The following OCLN variants were observed in gnomAD, a reference collection of about 807,000 sequenced individuals.
The protein encoded by OCLN is occludin.
Under a neutral mutation model 47.9 loss-of-function variants are expected in OCLN, and 21 were observed. That is an observed-to-expected ratio of 0.44 (90% CI 0.31 to 0.63). The LOEUF (loss-of-function observed/expected upper bound fraction) is 0.63. OCLN is among the 30% of genes least tolerant of loss of function. The pLI is 0.08. For missense variants in OCLN, 360 were observed against 571.0 expected (o/e 0.63, Z 3.77); for synonymous variants, 117 against 198.4 (o/e 0.59, Z 3.45).
At chr5:69,505,150 T>C (rs1768564003) in intron 2 of OCLN, among the ~76,000 whole-genome samples, 2 of 152,076 alleles carry the variant, frequency 1.3e-5, no homozygotes, top group African/African-American at 4.8e-5. Flanking sequence ...TTTGGGAGGC[T>C]GAGACAGGAG....
intron 4 of OCLN, among the ~76,000 whole-genome samples, chr5:69,530,948 G>A (rs1467311795): frequency 6.6e-6 from 1 of 152,234 alleles, no homozygotes; most frequent in Non-Finnish European, 1.5e-5. Context: ...GCCAGACACT[G>A]TGTGGTCCTT....
At chr5:69,550,377 A>G (rs1410340645) in intron 7 of OCLN, among the ~76,000 whole-genome samples, 1 of 148,706 alleles carries the variant, frequency 6.7e-6, no homozygotes, top group Admixed American at 6.8e-5. Context: ...TTTTTAGTAG[A>G]GACGGGGTTT....
chr5:69,515,054 G>T (rs1013538034), intron 4 of OCLN, among the ~76,000 whole-genome samples: 1 of 152,172 alleles, frequency 6.6e-6, no homozygotes, highest in Non-Finnish European at 1.5e-5. Flanking sequence ...CCTCCCAGAC[G>T]GGGTGGTGGC....
At position 69,555,610 on chromosome 5, in the gene OCLN, A is replaced by G. The variant is rs1409253732; in HGVS notation, c.*1939A>G. On this transcript the variant is annotated 3_prime_UTR_variant, in exon 9 of 9. Coordinates refer to ENST00000396442, the MANE Select transcript of OCLN (RefSeq NM_001205254.2). ...TGATTTTGAATTATTTTCCAGAGAT[A>G]AAATTTTAAATGTTTCCATTATATC... The G allele has an allele frequency of 6.6e-6, 1 of 152,090 alleles. No homozygotes were observed. Among genetic ancestry groups the G allele is most frequent in the Non-Finnish European group, 1.5e-5 (1 of 68,020 alleles). 9.4% of individuals were successfully genotyped at this position (152,090 alleles called of 1,614,324 possible).
intron 1 of OCLN, 113 bp from the exon 2 acceptor site, chr5:69,504,064 C>T: frequency 1.6e-6 from 1 of 642,164 alleles, no homozygotes; most frequent in South Asian, 1.8e-5. Flanking sequence ...TGGACCACTG[C>T]ACTCCAGCCT....
Position 69,553,624 on chromosome 5 carries a change from T to C in OCLN, c.1522T>C (p.Ser508Pro). ...TTGCAAGCAGTTAAAGAGCAAATTG[T>C]CACACATCAAGAAGATGGTTGGAGA... is the stretch of plus-strand genomic sequence containing the variant. ...NHCKQLKSKL[S>P]HIKKMVGDYD... The change falls in exon 9 of 9, where the codon TCA becomes CCA. Residue 508 changes from serine (S) to proline (P), a missense_variant. Around this residue, in one of 3 missense-constraint regions of OCLN, gnomAD observed 25 missense variants for 43.9 expected, o/e 0.57. Transcript: ENST00000396442. 1 of 1,613,972 alleles carries C rather than the reference T, an allele frequency of 6.2e-7. No individual in the cohort carries two copies. Among genetic ancestry groups the C allele is most frequent in the Admixed American group, 1.7e-5 (1 of 59,990 alleles).
At chr5:69,503,537 A>ACATAC (rs940809052) in intron 1 of OCLN, among the ~76,000 whole-genome samples, 2 of 152,172 alleles carry the variant, frequency 1.3e-5, no homozygotes, top group African/African-American at 4.8e-5. Flanking sequence ...CGTCACTCCC[A>ACATAC]CAGGCTCTCC....
At chr5:69,531,440 G>C (rs1195548373) in intron 4 of OCLN, among the ~76,000 whole-genome samples, 2 of 152,242 alleles carry the variant, frequency 1.3e-5, no homozygotes, top group Admixed American at 1.3e-4. Context: ...GTGAGGAGGA[G>C]GTGGGACCTA....
In OCLN at chr5:69,509,271, C is replaced by T. The variant is rs1418251604; in HGVS notation, c.181C>T (p.Pro61Ser). 5 of 1,614,222 alleles carry T rather than the reference C, an allele frequency of 3.1e-6. No homozygotes were observed. Among genetic ancestry groups the T allele is most frequent in the Non-Finnish European group, 3.4e-6 (4 of 1,180,040 alleles). The change falls in exon 3 of 9, where the codon CCT becomes TCT. Residue 61 changes from proline to serine, a missense_variant. Coordinates refer to ENST00000396442, the MANE Select transcript of OCLN (RefSeq NM_001205254.2). The stretch of plus-strand genomic sequence containing the variant: ...TCTTCACTTCTACAAATGGACCTCT[C>T]CTCCAGGAGTGATTCGGATCCTGTC... ...EILHFYKWTS[P>S]PGVIRILSML...
At chr5:69,521,089 G>A (rs1021285794) in intron 4 of OCLN, among the ~76,000 whole-genome samples, 2 of 151,008 alleles carry the variant, frequency 1.3e-5, no homozygotes, top group East Asian at 2.0e-4. Flanking sequence ...CACCCGCGTC[G>A]GCCTCCCAAA....
At position 69,535,982 on chromosome 5, in the gene OCLN, G is replaced by A. The variant is rs1285883918; in HGVS notation, c.1037+1143G>A. On this transcript the variant is annotated intron_variant, in intron 5 of 8. Transcript: ENST00000396442. Reference sequence around the variant, plus strand: ...TCTACTAAAAATAGCCAGGCGTGGTGGCGCATGCCTGTAATCCCAGCTACT... The same window carrying A: ...TCTACTAAAAATAGCCAGGCGTGGTAGCGCATGCCTGTAATCCCAGCTACT... Among the ~76,000 whole-genome samples the A allele has an allele frequency of 1.5e-4, 23 of 152,206 alleles. 1 individual carries two copies. The highest frequency in any genetic ancestry group is 1.4e-3 in the Admixed American group (22 of 15,290).
intron 1 of OCLN, among the ~76,000 whole-genome samples, chr5:69,494,185 TTGTG>T (rs71787949): frequency 7.3e-5 from 11 of 151,038 alleles, no homozygotes; most frequent in East Asian, 1.9e-4. Flanking sequence ...TATGAGGTGC[TTGTG>T]TGTGTGTGTG....
intron 4 of OCLN, among the ~76,000 whole-genome samples, chr5:69,520,948 A>G (rs926980119): frequency 2.6e-5 from 4 of 152,204 alleles, no homozygotes; most frequent in African/African-American, 9.6e-5. Context: ...CCTGGATTCA[A>G]GTGATTCTCC....
At position 69,549,728 on chromosome 5, in the gene OCLN, A is replaced by G. The variant is rs1220843748; in HGVS notation, c.1425+1627A>G. Among the ~76,000 whole-genome samples the G allele has an allele frequency of 2.6e-5, 4 of 151,222 alleles. 1 individual carries two copies. The highest frequency in any genetic ancestry group is 4.8e-5 in the African/African-American group (2 of 41,304). On this transcript the variant is annotated intron_variant, in intron 7 of 8. Coordinates refer to ENST00000396442, the MANE Select transcript of OCLN (RefSeq NM_001205254.2). Reference sequence around the variant, plus strand: ...GAGGGAGATTAATCTCTTCTTGTTTATTTGTTCCTTTATTGATCAGTCAAT... The same window carrying G: ...GAGGGAGATTAATCTCTTCTTGTTTGTTTGTTCCTTTATTGATCAGTCAAT...
chr5:69,554,520 A>G lies in OCLN; in HGVS notation c.*849A>G, dbSNP rs1269497876. 6.6e-6 allele frequency: 1 copy of G among 151,854 alleles called. No homozygotes were observed. 9.4% of individuals were successfully genotyped at this position (151,854 alleles called of 1,614,324 possible). On this transcript the variant is annotated 3_prime_UTR_variant, in exon 9 of 9. Transcript: ENST00000396442. ...GAACTGTATCTTACAGGAATGTTCA[A>G]TTTCTATACATATTTTATAAGGTAT...
At chr5:69,538,313 G>GT (rs2112075552) in intron 5 of OCLN, among the ~76,000 whole-genome samples, 1 of 151,394 alleles carries the variant, frequency 6.6e-6, no homozygotes, top group African/African-American at 2.4e-5. Flanking sequence ...TTTTTTGTTT[G>GT]TTTTGTTTTT....
Position 69,538,009 on chromosome 5 carries a change from CTT to C in OCLN, c.1037+3181_1037+3182del, listed in dbSNP as rs200271483. Among the ~76,000 whole-genome samples, 202 of 54,874 alleles carry C rather than the reference CTT, an allele frequency of 3.7e-3. 10 individuals are homozygous for C. The highest frequency in any genetic ancestry group is 6.3e-3 in the African/African-American group (72 of 11,380). The allele number at this position is 54,874 out of a possible 152,430, so 36.0% of individuals were successfully genotyped here. ...TTAACTTTTTTTTCCTGTTTCAACT[CTT>C]TTTTTTTTTTAATAAGTTGAAGGAA... On this transcript the variant is annotated intron_variant, in intron 5 of 8. Coordinates refer to ENST00000396442, the MANE Select transcript of OCLN (RefSeq NM_001205254.2).
At chr5:69,517,435 C>T (rs942404102) in intron 4 of OCLN, among the ~76,000 whole-genome samples, 11 of 151,752 alleles carry the variant, frequency 7.2e-5, no homozygotes, top group African/African-American at 2.7e-4. Flanking sequence ...CTTGGCCTCC[C>T]GAGTAGCTAG....
chr5:69,544,941 C>T lies in OCLN; in HGVS notation c.1075C>T (p.Pro359Ser). Residue 359 changes from proline to serine, a missense_variant, in exon 6 of 9, where the codon CCT (proline) becomes TCT (serine). By Grantham distance (74) the Pro-to-Ser change is moderately conservative (BLOSUM62 -1). Transcript: ENST00000396442. ...EVVQELPLTSPVDDFRQPRYS... is the reference protein window; with the variant it reads ...EVVQELPLTSSVDDFRQPRYS... ...GGTTCAGGAGCTTCCATTAACTTCGCCTGTGGATGACTTCAGGCAGCCTCG... is the reference window on the plus strand; with the variant it reads ...GGTTCAGGAGCTTCCATTAACTTCGTCTGTGGATGACTTCAGGCAGCCTCG... The T allele has an allele frequency of 6.8e-7, 1 of 1,472,228 alleles. No homozygotes were observed. Among genetic ancestry groups the T allele is most frequent in the Non-Finnish European group, 9.2e-7 (1 of 1,083,494 alleles). The allele number at this position is 1,472,228 out of a possible 1,614,324, so 91.2% of individuals were successfully genotyped here. A position where few individuals can be genotyped will look rare whatever the true frequency, so the allele number is the denominator to read the frequency against.
Sources: gnomAD v4.1 joint callset for allele counts (sites outside exome capture counted in the v4.1 genomes callset) on GRCh38, gnomAD v4.1.1 for gene constraint, gnomAD v4.1.1 regional missense constraint, MANE v1.5 for transcripts, NCBI Gene and HGNC (gene_info 2026-07-23, HGNC 2026-07-21) for gene names.